TP73: variants seen among roughly 807,000 people sequenced by gnomAD.
TP73 encodes tumor protein p73, also known as p53-like transcription factor.
A neutral mutation model predicts 62.5 loss-of-function variants in TP73; 25 were observed. That is an observed-to-expected ratio of 0.40 (90% CI 0.29 to 0.56). The LOEUF is 0.56. TP73 is among the 20% of genes least tolerant of loss of function. TP73 has a pLI of 0.46. For missense variants in TP73, 754 were observed against 913.3 expected (o/e 0.83, Z 2.25); for synonymous variants, 423 against 377.5 (o/e 1.12, Z -1.40).
Position 3,682,421 on chromosome 1 carries a change from G to T in TP73, c.56G>T (p.Trp19Leu). The T allele has an allele frequency of 6.5e-7, 1 of 1,547,448 alleles. No homozygotes were observed. The highest frequency in any genetic ancestry group is 8.8e-7 in the Non-Finnish European group (1 of 1,140,246). The change falls in exon 2 of 14, where the codon TGG becomes TTG. Residue 19 changes from tryptophan (W) to leucine (L), a missense_variant. Coordinates refer to ENST00000378295, the MANE Select transcript of TP73 (RefSeq NM_005427.4). ...GGGGGCACCACGTTTGAGCACCTCT[G>T]GAGCTCTCTGTGAGTGCGCTTGGCT... Reference protein sequence around the residue: ...PDGGTTFEHLWSSLEPDSTYF... With the variant: ...PDGGTTFEHLLSSLEPDSTYF...
chr1:3,695,937 G>C (rs1638614806), intron 3 of TP73, among the ~76,000 whole-genome samples: 1 of 152,244 alleles, frequency 6.6e-6, no homozygotes, highest in Non-Finnish European at 1.5e-5. Context: ...GGAAGGGGTG[G>C]GGGAGACCCC....
At chr1:3,731,625 G>C in intron 13 of TP73, 69 bp downstream of exon 13, 1 of 1,407,378 alleles carries the variant, frequency 7.1e-7, no homozygotes, top group Non-Finnish European at 1.0e-6. Flanking sequence ...AGGGCAAAGA[G>C]CCTTCTCTTC....
chr1:3,686,432 A>C (rs1302573244), intron 3 of TP73, among the ~76,000 whole-genome samples: 1 of 152,156 alleles, frequency 6.6e-6, no homozygotes, highest in African/African-American at 2.4e-5. Flanking sequence ...AGGGGGTAGG[A>C]GCCCAGAGCA....
chr1:3,707,737 C>G lies in TP73; in HGVS notation c.375C>G (p.His125Gln). ...CCAACACCGACTACCCCGGACCCCA[C>G]CACTTTGAGGTCACTTTCCAGCAGT... The part of the protein sequence containing the change: ...IPSNTDYPGP[H>Q]HFEVTFQQSS... Residue 125 changes from histidine (H) to glutamine (Q), a missense_variant, in exon 4 of 14, where the codon CAC becomes CAG. Coordinates refer to ENST00000378295, the MANE Select transcript of TP73 (RefSeq NM_005427.4). The G allele has an allele frequency of 6.2e-7, 1 of 1,613,260 alleles. No homozygotes were observed. The highest frequency in any genetic ancestry group is 8.5e-7 in the Non-Finnish European group (1 of 1,179,958).
At chr1:3,693,713 C>A (rs1385556591) in intron 3 of TP73, among the ~76,000 whole-genome samples, 1 of 131,958 alleles carries the variant, frequency 7.6e-6, no homozygotes, top group Non-Finnish European at 1.7e-5. Context: ...CAGCCTTAGC[C>A]CCTCCTCCTG....
chr1:3,720,690 C>T (rs1641001846), intron 4 of TP73, among the ~76,000 whole-genome samples: 2 of 152,248 alleles, frequency 1.3e-5, no homozygotes, highest in Admixed American at 6.5e-5. Context: ...CCTGGCTTTT[C>T]GTGTGCCTGC....
intron 1 of TP73, among the ~76,000 whole-genome samples, chr1:3,671,892 C>T (rs955557745): frequency 3.3e-5 from 5 of 151,076 alleles, no homozygotes; most frequent in African/African-American, 7.4e-5. Context: ...CGGGGCTGAG[C>T]GGCCACCACT....
At chr1:3,726,621 C>T (rs376424782) in intron 6 of TP73, among the ~76,000 whole-genome samples, 18 of 70,126 alleles carry the variant, frequency 2.6e-4, no homozygotes, top group African/African-American at 7.2e-4. Context: ...CATGGATAGA[C>T]GGGTGGGTGG....
rs1250969717 is a variant in TP73 at position 3,670,055 on chromosome 1, T to G, written c.-33-12278T>G. Among the ~76,000 whole-genome samples, 1 of 151,746 alleles carries G rather than the reference T, an allele frequency of 6.6e-6. No homozygotes were observed. Among genetic ancestry groups the G allele is most frequent in the Non-Finnish European group, 1.5e-5 (1 of 67,918 alleles). On this transcript the variant is annotated intron_variant, in intron 1 of 13. Transcript: ENST00000378295. This position sits in a 1 kb window ranked among gnomAD's most constrained non-coding sequence, Gnocchi z 5.9. The stretch of plus-strand genomic sequence containing the variant: ...TCTGGATCCTGTTCCCTTGGCTCTT[T>G]GCAAAGTCTCCAGCCTGGCCTCCTG...
intron 1 of TP73, among the ~76,000 whole-genome samples, chr1:3,653,321 A>G (rs1260896893): frequency 6.6e-6 from 1 of 152,144 alleles, no homozygotes; most frequent in Non-Finnish European, 1.5e-5. Context: ...GCCGGCCTGG[A>G]GGGAGACACC....
At chr1:3,725,894 G>A (rs1000279599) in intron 6 of TP73, among the ~76,000 whole-genome samples, 1 of 123,070 alleles carries the variant, frequency 8.1e-6, no homozygotes, top group Non-Finnish European at 1.7e-5. Flanking sequence ...TGGATTGACT[G>A]ATATTGAATG....
intron 1 of TP73, among the ~76,000 whole-genome samples, chr1:3,656,111 G>T (rs1460030106): frequency 6.6e-6 from 1 of 151,550 alleles, no homozygotes; most frequent in African/African-American, 2.4e-5. Flanking sequence ...GGAAGGCGGA[G>T]CTTGCAGTGA....
chr1:3,666,748 G>A lies in TP73; in HGVS notation c.-34+14107G>A, dbSNP rs1645123502. On this transcript the variant is annotated intron_variant, in intron 1 of 13. Coordinates refer to ENST00000378295, the MANE Select transcript of TP73 (RefSeq NM_005427.4). The surrounding 1 kb of genome is among the most constrained non-coding windows in gnomAD (Gnocchi z 6.4). ...TCGGAAGTGAGTAAGCATTGGCGGT[G>A]GGGATGGTGCTCTGAGCAGACGCGA... Among the ~76,000 whole-genome samples the A allele has an allele frequency of 6.6e-6, 1 of 152,178 alleles. No homozygotes were observed. Among genetic ancestry groups the A allele is most frequent in the Non-Finnish European group, 1.5e-5 (1 of 68,034 alleles).
At chr1:3,717,021 C>T (rs1640653163) in intron 4 of TP73, among the ~76,000 whole-genome samples, 1 of 152,174 alleles carries the variant, frequency 6.6e-6, no homozygotes, top group African/African-American at 2.4e-5. Context: ...AAAATAAAAG[C>T]CCCCACTGCA....
rs1645514248 is a variant in TP73, at chr1:3,681,290, C to T, written c.-33-1043C>T. Reference sequence around the variant, plus strand: ...TGGCCAAGCCTGTCCCATAGCACCTCACCGAGGACCTGGGAGGCTGGCCCA... The same window carrying T: ...TGGCCAAGCCTGTCCCATAGCACCTTACCGAGGACCTGGGAGGCTGGCCCA... On this transcript the variant is annotated intron_variant, in intron 1 of 13. Coordinates refer to ENST00000378295, the MANE Select transcript of TP73 (RefSeq NM_005427.4). Among the ~76,000 whole-genome samples, 5 of 152,228 alleles carry T rather than the reference C, an allele frequency of 3.3e-5. No individual in the cohort carries two copies. In the South Asian group the frequency reaches 8.3e-4, roughly 25 times the overall value.
At chr1:3,711,821 C>CGT (rs369800998) in intron 4 of TP73, among the ~76,000 whole-genome samples, 2 of 148,234 alleles carry the variant, frequency 1.3e-5, no homozygotes, top group Admixed American at 6.7e-5. Flanking sequence ...TCAGACTCAG[C>CGT]GTGTGTGTGT....
intron 13 of TP73, 86 bp downstream of exon 13, chr1:3,731,642 C>A: frequency 7.9e-7 from 1 of 1,273,762 alleles, no homozygotes; most frequent in Non-Finnish European, 1.1e-6. Context: ...CTTCCTTGCT[C>A]TCGTGGCTGG....
At position 3,693,285 on chromosome 1, in the gene TP73, C is replaced by T. The variant is rs1181438938; in HGVS notation, c.186+10105C>T. 2.6e-5 allele frequency among the ~76,000 whole-genome samples: 4 copies of T among 152,272 alleles called. No homozygotes were observed. In the East Asian group the frequency reaches 7.7e-4, roughly 29 times the overall value. On this transcript the variant is annotated intron_variant, in intron 3 of 13. Transcript: ENST00000378295. Reference sequence around the variant, plus strand: ...GTATTTGGCCCAAAGGGTTTTAAACCCAAAGTGAGCGAATAGAGTTGTATT... The same window carrying T: ...GTATTTGGCCCAAAGGGTTTTAAACTCAAAGTGAGCGAATAGAGTTGTATT...
At chr1:3,725,517 T>G (rs1570618598) in intron 6 of TP73, among the ~76,000 whole-genome samples, 1 of 45,144 alleles carries the variant, frequency 2.2e-5, no homozygotes, top group African/African-American at 8.7e-5. Context: ...AATGGATGGG[T>G]GGGTGGACGG....
Sources: allele counts gnomAD v4.1 joint callset (sites outside exome capture counted in the v4.1 genomes callset), GRCh38; gene constraint gnomAD v4.1.1; non-coding constraint Gnocchi (gnomAD v3.1); transcripts MANE v1.5; gene names NCBI Gene and HGNC (gene_info 2026-07-23, HGNC 2026-07-21).